The following SLC24A2 variants were observed in gnomAD, a reference collection of about 807,000 sequenced individuals.
SLC24A2 encodes the protein solute carrier family 24 member 2.
Under a neutral mutation model 62.0 loss-of-function variants are expected in SLC24A2, and 36 were observed. The observed-to-expected ratio is 0.58, with a 90% confidence interval of 0.44 to 0.77. The LOEUF (loss-of-function observed/expected upper bound fraction) is 0.77, where lower values mean the gene tolerates loss of function less well. SLC24A2 is among the 30% of genes least tolerant of loss of function. The pLI is 0.00. For missense variants in SLC24A2, 846 were observed against 817.9 expected, an observed-to-expected ratio of 1.03 and a Z score of -0.42; for synonymous variants, 358 against 294.0, an observed-to-expected ratio of 1.22 and a Z score of -2.23.
chr9:19,590,140 C>T (rs879237128), intron 5 of SLC24A2, among the ~76,000 whole-genome samples: 1 of 138,874 alleles, frequency 7.2e-6, no homozygotes, highest in East Asian at 2.1e-4. Flanking sequence ...CCCATGGGAC[C>T]AATTTGAAGA....
the SLC24A2 span, among the ~76,000 whole-genome samples, chr9:20,167,957 C>T: frequency 6.6e-6 from 1 of 151,692 alleles, no homozygotes; most frequent in Admixed American, 6.6e-5. Flanking sequence ...TTGTGCTGTA[C>T]CTGTCAATAG....
the SLC24A2 span, among the ~76,000 whole-genome samples, chr9:20,292,132 C>T: frequency 1.6e-4 from 24 of 152,138 alleles, no homozygotes; most frequent in Non-Finnish European, 2.6e-4. Flanking sequence ...GGTACTGACA[C>T]GATGCTGGAG....
chr9:19,711,108 T>G (rs895229761), intron 2 of SLC24A2, among the ~76,000 whole-genome samples: 5 of 152,196 alleles, frequency 3.3e-5, no homozygotes, highest in Non-Finnish European at 7.3e-5. Flanking sequence ...GGTCTGGGAA[T>G]TCTTGAGGGT....
At chr9:19,556,258 G>T (rs960000182) in intron 7 of SLC24A2, among the ~76,000 whole-genome samples, 1 of 151,610 alleles carries the variant, frequency 6.6e-6, no homozygotes, top group African/African-American at 2.4e-5. Context: ...ATTTGAATTT[G>T]GTATAGAAGT....
chr9:20,007,360 A>T, the SLC24A2 span, among the ~76,000 whole-genome samples: 11 of 152,092 alleles, frequency 7.2e-5, no homozygotes, highest in Admixed American at 1.3e-4. Context: ...TAGGGTGAAA[A>T]GGTGCATTGA....
At chr9:20,049,784 T>C in the SLC24A2 span, among the ~76,000 whole-genome samples, 1 of 152,010 alleles carries the variant, frequency 6.6e-6, no homozygotes, top group Non-Finnish European at 1.5e-5. Flanking sequence ...ACTACAGGGA[T>C]TAAGGTAGTT....
chr9:20,055,162 G>T, the SLC24A2 span, among the ~76,000 whole-genome samples: 2 of 152,212 alleles, frequency 1.3e-5, no homozygotes, highest in East Asian at 3.9e-4. Context: ...ACATCCCCTT[G>T]CTGCGTCAAG....
At chr9:19,661,035 C>T (rs1041191859) in intron 2 of SLC24A2, among the ~76,000 whole-genome samples, 9 of 152,154 alleles carry the variant, frequency 5.9e-5, no homozygotes, top group African/African-American at 2.2e-4. Context: ...GCTAGTGTTG[C>T]TGCTACAAGA....
the SLC24A2 span, among the ~76,000 whole-genome samples, chr9:19,833,706 T>G: frequency 6.6e-6 from 1 of 152,250 alleles, no homozygotes; most frequent in African/African-American, 2.4e-5. Context: ...AATGTCCCTG[T>G]GTGACAGCTT....
chr9:19,751,763 G>T (rs1821992493), intron 2 of SLC24A2, among the ~76,000 whole-genome samples: 1 of 152,148 alleles, frequency 6.6e-6, no homozygotes, highest in Non-Finnish European at 1.5e-5. Flanking sequence ...TTACGGATAG[G>T]ACCATGGCTC....
In SLC24A2 at chr9:19,513,153, G is replaced by GATATATATATATATATATATATGTAT. The variant is rs1200031018; in HGVS notation, c.*2974_*2999dup. ...TGTGTACATATAGATCTGGTATAAA[G>GATATATATATATATATATATATGTAT]ATATATATATATATATATATATGTA... On this transcript the variant is annotated 3_prime_UTR_variant, in exon 11 of 11. Coordinates refer to ENST00000341998, the MANE Select transcript of SLC24A2 (RefSeq NM_020344.4). 3 of 80,590 alleles carry GATATATATATATATATATATATGTAT rather than the reference G, an allele frequency of 3.7e-5. No individual in the cohort carries two copies. The highest frequency in any genetic ancestry group is 5.0e-5 in the Non-Finnish European group (2 of 40,252). The allele number at this position is 80,590 out of a possible 1,614,324, so 5.0% of individuals were successfully genotyped here.
At chr9:19,921,634 T>C in the SLC24A2 span, among the ~76,000 whole-genome samples, 1 of 151,106 alleles carries the variant, frequency 6.6e-6, no homozygotes, top group Non-Finnish European at 1.5e-5. Flanking sequence ...CAGAGAAAAA[T>C]GTATTCATCA....
At chr9:20,163,016 C>A in the SLC24A2 span, among the ~76,000 whole-genome samples, 1 of 152,078 alleles carries the variant, frequency 6.6e-6, no homozygotes, top group Non-Finnish European at 1.5e-5. Context: ...AAACTCACAG[C>A]CAATATCATA....
the SLC24A2 span, among the ~76,000 whole-genome samples, chr9:20,279,994 A>C: frequency 3.3e-5 from 5 of 152,240 alleles, no homozygotes; most frequent in Admixed American, 6.5e-5. Flanking sequence ...TTCTCACATA[A>C]GTGCCCCTGC....
At chr9:20,284,256 A>G in the SLC24A2 span, among the ~76,000 whole-genome samples, 1 of 150,530 alleles carries the variant, frequency 6.6e-6, no homozygotes, top group Non-Finnish European at 1.5e-5. Flanking sequence ...TTGTTTGTCT[A>G]TATAATTCAA....
At chr9:19,897,457 C>T in the SLC24A2 span, among the ~76,000 whole-genome samples, 2 of 151,854 alleles carry the variant, frequency 1.3e-5, no homozygotes, top group Admixed American at 6.6e-5. Context: ...GGAAGCAAAC[C>T]CAGAGCAATC....
chr9:19,707,959 C>T (rs1251597196), intron 2 of SLC24A2, among the ~76,000 whole-genome samples: 1 of 152,162 alleles, frequency 6.6e-6, no homozygotes, highest in Admixed American at 6.5e-5. Flanking sequence ...AAGAGGAAGT[C>T]AAATTGTCCC....
chr9:19,794,354 A>G, the SLC24A2 span, among the ~76,000 whole-genome samples: 1 of 152,226 alleles, frequency 6.6e-6, no homozygotes, highest in African/African-American at 2.4e-5. Context: ...ATGCAGGAAC[A>G]GAAAACCAAT....
upstream of SLC24A2, among the ~76,000 whole-genome samples, chr9:19,789,134 A>G (rs1162318115): frequency 3.3e-5 from 5 of 152,192 alleles, no homozygotes; most frequent in African/African-American, 1.2e-4. Context: ...GCGGGGCCGC[A>G]GCGCGCTCAG....
Sources: gnomAD v4.1 joint callset for allele counts (sites outside exome capture counted in the v4.1 genomes callset) on GRCh38, gnomAD v4.1.1 for gene constraint, MANE v1.5 for transcripts, NCBI Gene and HGNC (gene_info 2026-07-23, HGNC 2026-07-21) for gene names.